The following CNTN5 variants were observed in gnomAD, a reference collection of about 807,000 sequenced individuals.
The protein encoded by CNTN5 is contactin-5.
CNTN5 carries 77 observed loss-of-function variants against 129.1 expected under a neutral mutation model. That is an observed-to-expected ratio of 0.60 (90% CI 0.50 to 0.72). CNTN5 has a LOEUF of 0.72. Among genes scored for constraint, CNTN5 ranks in the 30% least tolerant of loss-of-function variants. The pLI is 0.00. For missense variants in CNTN5, 1,478 were observed against 1,328.8 expected, an observed-to-expected ratio of 1.11 and a Z score of -1.75; for synonymous variants, 509 against 465.6, an observed-to-expected ratio of 1.09 and a Z score of -1.20.
chr11:100,177,922 T>C lies in CNTN5; in HGVS notation c.1581-13204T>C, dbSNP rs1040431934. Reference sequence around the variant, plus strand: ...GTTCTCTCTCTTCTGACCTGGTTTATGGCCACATCCCCACCCTGTACTCAG... The same window carrying C: ...GTTCTCTCTCTTCTGACCTGGTTTACGGCCACATCCCCACCCTGTACTCAG... On this transcript the variant is annotated intron_variant, in intron 13 of 24. Transcript: ENST00000524871. Among the ~76,000 whole-genome samples, 5 of 152,136 alleles carry C rather than the reference T, an allele frequency of 3.3e-5. No individual in the cohort carries two copies. The East Asian group carries it at 5.8e-4, about 18-fold the overall frequency.
At chr11:99,429,928 A>G (rs1296990444) in intron 2 of CNTN5, among the ~76,000 whole-genome samples, 2 of 146,306 alleles carry the variant, frequency 1.4e-5, no homozygotes, top group Non-Finnish European at 3.0e-5. Context: ...CACACAGACC[A>G]TGGTAAAAAA....
At chr11:99,139,624 A>C (rs978060649) in intron 1 of CNTN5, among the ~76,000 whole-genome samples, 1 of 152,166 alleles carries the variant, frequency 6.6e-6, no homozygotes, top group African/African-American at 2.4e-5. Flanking sequence ...ATCTTTTCTT[A>C]TTTCAATATG....
At chr11:99,917,252 C>T (rs1464724598) in intron 7 of CNTN5, among the ~76,000 whole-genome samples, 2 of 152,036 alleles carry the variant, frequency 1.3e-5, no homozygotes, top group African/African-American at 4.8e-5. Context: ...TGTACCACTC[C>T]AATTCCTGTA....
chr11:100,164,584 C>CTGTTCTCA (rs1476481870), intron 13 of CNTN5, among the ~76,000 whole-genome samples: 1 of 151,762 alleles, frequency 6.6e-6, no homozygotes, highest in Non-Finnish European at 1.5e-5. Context: ...TAATTTTGTT[C>CTGTTCTCA]TGTTCTCATT....
chr11:99,444,432 A>G (rs1943976524), intron 2 of CNTN5, among the ~76,000 whole-genome samples: 1 of 152,230 alleles, frequency 6.6e-6, no homozygotes, highest in South Asian at 2.1e-4. Flanking sequence ...TGTGTGTAAA[A>G]TAGTGAAGAG....
chr11:100,037,327 C>G (rs1353638941), intron 9 of CNTN5, among the ~76,000 whole-genome samples: 2 of 151,836 alleles, frequency 1.3e-5, no homozygotes, highest in Non-Finnish European at 2.9e-5. Context: ...CCCACTTGAT[C>G]TTGGTGGATA....
At chr11:99,594,889 GA>G (rs1950080630) in intron 3 of CNTN5, among the ~76,000 whole-genome samples, 1 of 152,140 alleles carries the variant, frequency 6.6e-6, no homozygotes, top group African/African-American at 2.4e-5. Flanking sequence ...TGATAATATG[GA>G]CTGTTTCCAT....
intron 3 of CNTN5, among the ~76,000 whole-genome samples, chr11:99,562,069 G>T (rs1229380973): frequency 6.6e-6 from 1 of 152,092 alleles, no homozygotes; most frequent in African/African-American, 2.4e-5. Context: ...ATGTGTGTTT[G>T]CATAAGAAAT....
chr11:99,725,946 A>G (rs1055668815), intron 3 of CNTN5, among the ~76,000 whole-genome samples: 13 of 152,246 alleles, frequency 8.5e-5, no homozygotes, highest in East Asian at 3.9e-4. Flanking sequence ...GATACAAGCT[A>G]CTTCAGAATA....
At chr11:99,766,182 A>G (rs1185154137) in intron 3 of CNTN5, among the ~76,000 whole-genome samples, 1 of 152,084 alleles carries the variant, frequency 6.6e-6, no homozygotes, top group Non-Finnish European at 1.5e-5. Context: ...ATAAACGTTT[A>G]TTTAAACTAG....
At chr11:99,445,945 G>A (rs1224699244) in intron 2 of CNTN5, among the ~76,000 whole-genome samples, 5 of 151,886 alleles carry the variant, frequency 3.3e-5, no homozygotes, top group Non-Finnish European at 5.9e-5. Flanking sequence ...TTAGCCAGGC[G>A]TGGTGGCAGG....
In CNTN5 at chr11:100,020,326, G is replaced by T. The variant is rs56376895; in HGVS notation, c.980+18190G>T. Among the ~76,000 whole-genome samples the T allele has an allele frequency of 4.8e-3, 735 of 151,956 alleles. 4 individuals are homozygous for T. Among genetic ancestry groups the T allele is most frequent in the Non-Finnish European group, 8.5e-3 (579 of 67,892 alleles). On this transcript the variant is annotated intron_variant, in intron 9 of 24. Coordinates refer to ENST00000524871, the MANE Select transcript of CNTN5 (RefSeq NM_014361.4). ...TATTTGTATATGGGGTGAGACAAAG[G>T]CCCTATTTTATTCACCTGCAAGTGA...
intron 2 of CNTN5, among the ~76,000 whole-genome samples, chr11:99,503,781 A>G (rs1310538525): frequency 1.3e-5 from 2 of 152,206 alleles, no homozygotes; most frequent in South Asian, 2.1e-4. Flanking sequence ...TTTGTAATAT[A>G]TATTATATTC....
intron 1 of CNTN5, among the ~76,000 whole-genome samples, chr11:99,181,601 A>G (rs1044745592): frequency 1.3e-5 from 2 of 152,032 alleles, no homozygotes; most frequent in African/African-American, 4.8e-5. Flanking sequence ...CTAAGACATG[A>G]TGACCCAGGT....
chr11:99,940,091 G>A (rs1425645245), intron 7 of CNTN5, among the ~76,000 whole-genome samples: 1 of 152,038 alleles, frequency 6.6e-6, no homozygotes, highest in Non-Finnish European at 1.5e-5. Context: ...AGGGGGAGGA[G>A]CAGCAGGATG....
chr11:100,179,174 A>G (rs895959367), intron 13 of CNTN5, among the ~76,000 whole-genome samples: 5 of 152,038 alleles, frequency 3.3e-5, no homozygotes, highest in African/African-American at 1.2e-4. Context: ...CATTGTATCT[A>G]ATTATATTTT....
chr11:100,319,287 G>A (rs905329036), intron 21 of CNTN5, among the ~76,000 whole-genome samples: 3 of 151,864 alleles, frequency 2.0e-5, no homozygotes, highest in African/African-American at 7.3e-5. Flanking sequence ...CAAGTAGCTG[G>A]GATTACAGGC....
chr11:99,625,606 A>G (rs1951097475), intron 3 of CNTN5, among the ~76,000 whole-genome samples: 1 of 152,144 alleles, frequency 6.6e-6, no homozygotes, highest in African/African-American at 2.4e-5. Flanking sequence ...TTATCTAATC[A>G]TTAGAAGTCA....
At chr11:100,121,526 T>G (rs770411272) in intron 13 of CNTN5, among the ~76,000 whole-genome samples, 32 of 151,526 alleles carry the variant, frequency 2.1e-4, no homozygotes, top group Admixed American at 4.6e-4. Context: ...AGGGCAATTG[T>G]TCCTCTCCTT....
Sources: gnomAD v4.1 joint callset for allele counts (sites outside exome capture counted in the v4.1 genomes callset) on GRCh38, gnomAD v4.1.1 for gene constraint, MANE v1.5 for transcripts, NCBI Gene and HGNC (gene_info 2026-07-23, HGNC 2026-07-21) for gene names.